Variants in PDZRN3 observed in about 807,000 individuals in gnomAD.
PDZRN3 encodes PDZ domain containing ring finger 3, also known as E3 ubiquitin-protein ligase PDZRN3.
Under a neutral mutation model 85.7 loss-of-function variants are expected in PDZRN3, and 38 were observed. That is an observed-to-expected ratio of 0.44 (90% confidence interval 0.34 to 0.58). The LOEUF is 0.58. Ranked by LOEUF, PDZRN3 falls within the 20% of genes least tolerant of loss-of-function variation. The probability of loss-of-function intolerance (pLI) is 0.01; values close to 1 mark genes in which losing one functional copy is unlikely to be tolerated. For synonymous variants in PDZRN3, 759 were observed against 638.0 expected (o/e 1.19, Z -2.86); for missense variants, 1,629 against 1,506.4 (o/e 1.08, Z -1.35).
At chr3:73,538,640 A>T (rs1431960263) in intron 3 of PDZRN3, among the ~76,000 whole-genome samples, 6 of 152,082 alleles carry the variant, frequency 3.9e-5, no homozygotes, top group Non-Finnish European at 8.8e-5. Context: ...GTTTTTCCTT[A>T]TGTCAGGCAA....
chr3:73,624,835 C>T lies in PDZRN3; in HGVS notation c.-10G>A, dbSNP rs1702945396. ...CCAGCTCGAAGCCCATGGTGGCGGC[C>T]AGGCCCCGGGGTCGCCGCCGGGCGG... On this transcript the variant is annotated 5_prime_UTR_variant, in exon 1 of 10. Transcript: ENST00000263666. The T allele has an allele frequency of 1.5e-6, 2 of 1,296,172 alleles. No homozygotes were observed. Among genetic ancestry groups the T allele is most frequent in the East Asian group, 3.0e-5 (1 of 32,824 alleles). 80.3% of individuals were successfully genotyped at this position (1,296,172 alleles called of 1,614,324 possible). A position where few individuals can be genotyped will look rare whatever the true frequency, so the allele number is the denominator to read the frequency against.
intron 3 of PDZRN3, among the ~76,000 whole-genome samples, chr3:73,480,150 TTGTG>T (rs765504907): frequency 6.6e-6 from 1 of 152,222 alleles, no homozygotes; most frequent in Non-Finnish European, 1.5e-5. Context: ...CCCTTGGCCA[TTGTG>T]ACTACCTGTC....
chr3:73,462,732 C>T (rs1703133870), intron 3 of PDZRN3, among the ~76,000 whole-genome samples: 1 of 152,132 alleles, frequency 6.6e-6, no homozygotes, highest in Non-Finnish European at 1.5e-5. Flanking sequence ...TATCCTCATT[C>T]TGTCACTTAA....
At chr3:73,593,402 T>A (rs1346793388) in intron 3 of PDZRN3, among the ~76,000 whole-genome samples, 1 of 152,170 alleles carries the variant, frequency 6.6e-6, no homozygotes, top group African/African-American at 2.4e-5. Flanking sequence ...TTAAAACTTC[T>A]GTGGAGTCAG....
intron 3 of PDZRN3, among the ~76,000 whole-genome samples, chr3:73,440,735 G>A (rs1702619354): frequency 6.6e-6 from 1 of 152,152 alleles, no homozygotes; most frequent in East Asian, 1.9e-4. Context: ...CTGTGAGTTC[G>A]CACAGTGAGT....
chr3:73,592,030 T>G (rs950777825), intron 3 of PDZRN3, among the ~76,000 whole-genome samples: 1 of 152,164 alleles, frequency 6.6e-6, no homozygotes, highest in Non-Finnish European at 1.5e-5. Flanking sequence ...TTATCCTCTC[T>G]TATCCTAACA....
chr3:73,398,190 C>A (rs1211085529), intron 5 of PDZRN3, among the ~76,000 whole-genome samples: 3 of 152,186 alleles, frequency 2.0e-5, no homozygotes, highest in African/African-American at 7.2e-5. Flanking sequence ...GTCTTAGGAA[C>A]ACAGTGTCAC....
At chr3:73,602,550 T>C in intron 2 of PDZRN3, 89 bp from the exon 3 acceptor site, 1 of 717,602 alleles carries the variant, frequency 1.4e-6, no homozygotes, top group Non-Finnish European at 2.5e-6. Flanking sequence ...AGTAATTGAC[T>C]CTTGCTGTGT....
intron 3 of PDZRN3, among the ~76,000 whole-genome samples, chr3:73,587,966 C>A (rs370163089): frequency 6.6e-6 from 1 of 152,148 alleles, no homozygotes; most frequent in East Asian, 1.9e-4. Context: ...AAATTTATTT[C>A]TTCTAAAAAC....
intron 3 of PDZRN3, among the ~76,000 whole-genome samples, chr3:73,433,340 TTCGACAC>T (rs1702469328): frequency 6.6e-6 from 1 of 152,246 alleles, no homozygotes; most frequent in Non-Finnish European, 1.5e-5. Flanking sequence ...ACCCTTTGAG[TTCGACAC>T]TCTGGAGAGA....
At chr3:73,539,458 T>C (rs1330687400) in intron 3 of PDZRN3, among the ~76,000 whole-genome samples, 7 of 152,048 alleles carry the variant, frequency 4.6e-5, no homozygotes, top group African/African-American at 1.4e-4. Context: ...CAGGACTCAG[T>C]TGCACTAATA....
Position 73,383,764 on chromosome 3 carries a change from G to A in PDZRN3, c.2802C>T (p.Thr934=). 1 of 1,612,990 alleles carries A rather than the reference G, an allele frequency of 6.2e-7. No homozygotes were observed. The highest frequency in any genetic ancestry group is 8.5e-7 in the Non-Finnish European group (1 of 1,179,982). ...GCAGGCGGTCCCGCACGGGCCTCTT[G>A]GTGATGTAGCGCGTCCCGTCGCTGC... The part of the protein sequence containing the change: ...KIRSDGTRYI[T]KRPVRDRLLR... Residue 934 remains threonine (T), a synonymous_variant, in exon 10 of 10, where the codon ACC becomes ACT. Coordinates refer to ENST00000263666, the MANE Select transcript of PDZRN3 (RefSeq NM_015009.3).
At chr3:73,528,770 CTTG>C (rs1018952591) in intron 3 of PDZRN3, among the ~76,000 whole-genome samples, 3 of 152,016 alleles carry the variant, frequency 2.0e-5, no homozygotes, top group South Asian at 2.1e-4. Flanking sequence ...TAAAGAATTT[CTTG>C]TTGTACACAA....
intron 3 of PDZRN3, among the ~76,000 whole-genome samples, chr3:73,511,665 C>T (rs950332986): frequency 2.6e-5 from 4 of 152,198 alleles, no homozygotes; most frequent in African/African-American, 4.8e-5. Context: ...TCCACCACGC[C>T]AGCAGACAAA....
chr3:73,422,872 A>G (rs1353277472), intron 3 of PDZRN3, among the ~76,000 whole-genome samples: 1 of 152,224 alleles, frequency 6.6e-6, no homozygotes, highest in Non-Finnish European at 1.5e-5. Context: ...GTCCAATGCT[A>G]TAAATCTTGG....
chr3:73,624,666 C>A lies in PDZRN3; in HGVS notation c.160G>T (p.Ala54Ser), dbSNP rs1394442072. The change falls in exon 1 of 10, where the codon GCG (alanine) becomes TCG (serine). Residue 54 changes from alanine to serine, a missense_variant. Ala to Ser is a moderately conservative substitution (Grantham distance 99). Transcript: ENST00000263666. ...GCCGACAGGCGACCGCGGCAGCGCG[C>A]CGGGCAGCTGCCCTCCTGCACCACC... The part of the protein sequence containing the change: ...PWVVQEGSCP[A>S]RCRGRLSAKE... 3 of 1,526,308 alleles carry A rather than the reference C, an allele frequency of 2.0e-6. No homozygotes were observed. The highest frequency in any genetic ancestry group is 2.6e-6 in the Non-Finnish European group (3 of 1,141,712). 94.5% of individuals were successfully genotyped at this position (1,526,308 alleles called of 1,614,324 possible).
intron 3 of PDZRN3, among the ~76,000 whole-genome samples, chr3:73,521,229 T>G (rs898250307): frequency 1.3e-5 from 2 of 152,164 alleles, no homozygotes; most frequent in African/African-American, 4.8e-5. Flanking sequence ...ACCCCTCCTC[T>G]GCTCAGCCTG....
chr3:73,409,135 T>G (rs1274862057), intron 3 of PDZRN3, among the ~76,000 whole-genome samples: 1 of 152,202 alleles, frequency 6.6e-6, no homozygotes, highest in Admixed American at 6.5e-5. Flanking sequence ...CCCTGGGACT[T>G]AGGTGCAATT....
chr3:73,500,367 TA>T (rs1241329732), intron 3 of PDZRN3, among the ~76,000 whole-genome samples: 10 of 152,256 alleles, frequency 6.6e-5, no homozygotes, highest in South Asian at 2.1e-4. Flanking sequence ...TATTTATTAT[TA>T]TTTTTTTAAT....
Sources: gnomAD v4.1 joint callset for allele counts (sites outside exome capture counted in the v4.1 genomes callset) on GRCh38, gnomAD v4.1.1 for gene constraint, MANE v1.5 for transcripts, NCBI Gene and HGNC (gene_info 2026-07-23, HGNC 2026-07-21) for gene names.